NTRK3: variants seen among roughly 807,000 people sequenced by gnomAD.
The protein encoded by NTRK3 is NT-3 growth factor receptor.
NTRK3 carries 24 observed loss-of-function variants against 91.7 expected under a neutral mutation model. The ratio of observed to expected loss-of-function variants is 0.26; its 90% CI spans 0.19 to 0.37. The LOEUF (loss-of-function observed/expected upper bound fraction) is 0.37. NTRK3 is among the 10% of genes least tolerant of loss of function. NTRK3 has a pLI of 1.00. For synonymous variants in NTRK3, 483 were observed against 404.0 expected, an observed-to-expected ratio of 1.20 and a Z score of -2.34; for missense variants, 880 against 1,068.9, an observed-to-expected ratio of 0.82 and a Z score of 2.46.
At chr15:87,889,260 T>C (rs2065721567) in intron 17 of NTRK3, among the ~76,000 whole-genome samples, 1 of 152,164 alleles carries the variant, frequency 6.6e-6, no homozygotes, top group South Asian at 2.1e-4. Context: ...CTGGCATGCT[T>C]GTTAAAAATA....
At chr15:87,947,247 G>T (rs1185351164) in intron 14 of NTRK3, among the ~76,000 whole-genome samples, 1 of 144,058 alleles carries the variant, frequency 6.9e-6, no homozygotes, top group Non-Finnish European at 1.5e-5. Context: ...AGCTCCAGGT[G>T]GTTACGTAAC....
chr15:88,113,693 G>GT (rs1406135994), intron 13 of NTRK3, among the ~76,000 whole-genome samples: 3 of 152,086 alleles, frequency 2.0e-5, no homozygotes, highest in Non-Finnish European at 4.4e-5. Context: ...CCTGGCACCT[G>GT]TTTTTTATAA....
intron 3 of NTRK3, among the ~76,000 whole-genome samples, chr15:88,198,013 G>A (rs2047978968): frequency 6.6e-6 from 1 of 152,176 alleles, no homozygotes; most frequent in Admixed American, 6.5e-5. Flanking sequence ...ACTCATGGAG[G>A]CATCATAACA....
chr15:88,139,409 G>A (rs984833612), intron 6 of NTRK3, among the ~76,000 whole-genome samples: 4 of 151,838 alleles, frequency 2.6e-5, no homozygotes, highest in African/African-American at 7.3e-5. Context: ...CTAAGACCTA[G>A]GATATTTTTG....
exon 19 of NTRK3, chr15:87,860,716 CA>C (rs1391217454): frequency 4.8e-6 from 1 of 209,950 alleles, no homozygotes; most frequent in Admixed American, 5.9e-5. Context: ...ACTAAAACCT[CA>C]GTCACTTATG....
At chr15:88,083,879 G>A (rs2048273739) in intron 13 of NTRK3, among the ~76,000 whole-genome samples, 1 of 152,044 alleles carries the variant, frequency 6.6e-6, no homozygotes, top group Admixed American at 6.6e-5. Flanking sequence ...GTTGGGGAGG[G>A]GAGGGGTGTA....
chr15:88,016,808 TTTTTC>T (rs909147571), intron 14 of NTRK3, among the ~76,000 whole-genome samples: 12 of 152,196 alleles, frequency 7.9e-5, no homozygotes, highest in African/African-American at 2.9e-4. Flanking sequence ...GTGTCATTTT[TTTTTC>T]TTTTCTTCCA....
intron 3 of NTRK3, among the ~76,000 whole-genome samples, chr15:88,198,708 A>AT (rs11436630): frequency 0.11 from 17,125 of 152,202 alleles, 1,233 homozygotes; most frequent in South Asian, 0.21. Context: ...CTCAGTAAGC[A>AT]TTCAGACCTT....
At chr15:87,877,143 G>A (rs2064985154) in intron 18 of NTRK3, 23 bp from the exon 20 acceptor site, 1 of 1,612,652 alleles carries the variant, frequency 6.2e-7, no homozygotes, top group African/African-American at 1.3e-5. Flanking sequence ...GAAGAACAAG[G>A]AAGTTACACC....
At chr15:88,227,402 A>G (rs2050766616) in intron 3 of NTRK3, among the ~76,000 whole-genome samples, 1 of 152,212 alleles carries the variant, frequency 6.6e-6, no homozygotes, top group African/African-American at 2.4e-5. Flanking sequence ...GAACCTTTAA[A>G]GAGGTAATTA....
chr15:88,181,670 T>C (rs960215270), intron 5 of NTRK3, among the ~76,000 whole-genome samples: 7 of 152,200 alleles, frequency 4.6e-5, no homozygotes, highest in African/African-American at 1.7e-4. Flanking sequence ...GTAGTTTCAT[T>C]TGGCCCATGG....
At chr15:88,151,320 G>T (rs1190786976) in intron 5 of NTRK3, among the ~76,000 whole-genome samples, 1 of 152,146 alleles carries the variant, frequency 6.6e-6, no homozygotes, top group Non-Finnish European at 1.5e-5. Context: ...AAACAATGAT[G>T]ATGTGGCTAC....
intron 14 of NTRK3, among the ~76,000 whole-genome samples, chr15:88,009,218 A>C: frequency 6.6e-6 from 1 of 152,216 alleles, no homozygotes; most frequent in African/African-American, 2.4e-5. Context: ...ATATTAGCTA[A>C]CATTGAATGT....
chr15:88,128,799 G>C, intron 10 of NTRK3, 65 bp from the exon 11 acceptor site: 1 of 1,396,218 alleles, frequency 7.2e-7, no homozygotes, highest in Non-Finnish European at 1.0e-6. Context: ...CACACTACTT[G>C]GTCCTAATAG....
Position 87,861,400 on chromosome 15 carries a change from A to C in NTRK3, c.*15535T>G, listed in dbSNP as rs908012081. On this transcript the variant is annotated 3_prime_UTR_variant, in exon 19 of 19. Transcript: ENST00000394480. ...AGAGATAAAGGGACATGTAATGTCC[A>C]GTAGGAAACAAATCAGTGTATATCA... 1.4e-5 allele frequency: 3 copies of C among 209,596 alleles called. No individual in the cohort carries two copies. The South Asian group carries it at 5.6e-4, about 39-fold the overall frequency. 13.0% of individuals were successfully genotyped at this position (209,596 alleles called of 1,614,324 possible).
intron 10 of NTRK3, among the ~76,000 whole-genome samples, chr15:88,133,607 G>C (rs910200578): frequency 2.0e-5 from 3 of 152,214 alleles, no homozygotes; most frequent in African/African-American, 7.2e-5. Flanking sequence ...CAACGTTTCA[G>C]TCTTTTATGT....
exon 19 of NTRK3, chr15:87,872,116 G>A: frequency 4.5e-6 from 1 of 221,338 alleles, no homozygotes; most frequent in East Asian, 6.6e-5. Flanking sequence ...TAGCAGGTTG[G>A]CTCCCTACCA....
chr15:87,876,157 C>T (rs2064941784), exon 19 of NTRK3: 1 of 233,000 alleles, frequency 4.3e-6, no homozygotes, highest in Non-Finnish European at 8.5e-6. Flanking sequence ...ACATCCTTTG[C>T]AACTCCAGCA....
chr15:87,915,078 T>A (rs1169569678), intron 17 of NTRK3, among the ~76,000 whole-genome samples: 2 of 151,736 alleles, frequency 1.3e-5, no homozygotes, highest in African/African-American at 4.8e-5. Context: ...GGTGATGGTG[T>A]TGGTGATGAT....
Sources: allele counts gnomAD v4.1 joint callset (sites outside exome capture counted in the v4.1 genomes callset), GRCh38; gene constraint gnomAD v4.1.1; transcripts MANE v1.5; gene names NCBI Gene and HGNC (gene_info 2026-07-23, HGNC 2026-07-21).